The following CMTR1 variants were observed in gnomAD, a reference collection of about 807,000 sequenced individuals.
The protein encoded by CMTR1 is cap methyltransferase 1, also known as cap-specific mRNA (nucleoside-2'-O-)-methyltransferase 1.
In CMTR1, 39 loss-of-function variants were observed where a neutral mutation model predicts 107.0. That is an observed-to-expected ratio of 0.36 (90% confidence interval 0.28 to 0.48). The LOEUF is 0.48. CMTR1 is among the 20% of genes least tolerant of loss of function. CMTR1 has a pLI of 0.99. For missense variants in CMTR1, 672 were observed against 1,064.9 expected (o/e 0.63, Z 5.14); for synonymous variants, 366 against 379.5 (o/e 0.96, Z 0.41).
rs759619553 is a variant in CMTR1 at position 37,471,004 on chromosome 6, A to T, written c.1506-17A>T. On this transcript the variant is annotated splice_polypyrimidine_tract_variant and intron_variant, in intron 13 of 23. Transcript: ENST00000373451. ...TTTTTGGTAATCCTGAGATCAAATA[A>T]TTTTTTTTTCTTCTAGCCACTGTAG... 7 of 1,580,020 alleles carry T rather than the reference A, an allele frequency of 4.4e-6. No homozygotes were observed. The highest frequency in any genetic ancestry group is 5.2e-6 in the Non-Finnish European group (6 of 1,163,924).
chr6:37,481,142 TG>T lies in CMTR1; in HGVS notation c.*998del, dbSNP rs750887687. 11 of 1,303,874 alleles carry T rather than the reference TG, an allele frequency of 8.4e-6. No homozygotes were observed. The African/African-American group carries it at 1.5e-4, about 18-fold the overall frequency. 80.8% of individuals were successfully genotyped at this position (1,303,874 alleles called of 1,614,324 possible). On this transcript the variant is annotated 3_prime_UTR_variant, in exon 24 of 24. Coordinates refer to ENST00000373451, the MANE Select transcript of CMTR1 (RefSeq NM_015050.3). ...ATAGGAGGTACAATCTGCTTTTGTT[TG>T]TCGTTAAGTGGTCACTCCCATTTCC... is the stretch of plus-strand genomic sequence containing the variant.
intron 19 of CMTR1, 113 bp from the exon 20 acceptor site, chr6:37,476,013 C>G: frequency 9.8e-7 from 1 of 1,016,342 alleles, no homozygotes; most frequent in South Asian, 1.3e-5. Context: ...TTAGAGCAGT[C>G]TTGCCGCAGA....
At chr6:37,443,486 C>T (rs1157561473) in intron 2 of CMTR1, among the ~76,000 whole-genome samples, 11 of 152,016 alleles carry the variant, frequency 7.2e-5, no homozygotes, top group Non-Finnish European at 1.5e-5. Context: ...TCCCAAGTAG[C>T]TTGGATTACA....
At position 37,472,670 on chromosome 6, in the gene CMTR1, C is replaced by T. The variant is rs528290227; in HGVS notation, c.1689+183C>T. Among the ~76,000 whole-genome samples the T allele has an allele frequency of 2.6e-5, 4 of 152,318 alleles. No individual in the cohort carries two copies. The highest frequency in any genetic ancestry group is 7.2e-5 in the African/African-American group (3 of 41,580). On this transcript the variant is annotated intron_variant, in intron 16 of 23. Coordinates refer to ENST00000373451, the MANE Select transcript of CMTR1 (RefSeq NM_015050.3). This position sits in a 1 kb window ranked among gnomAD's most constrained non-coding sequence, Gnocchi z 4.1. ...CTTTGGTATAGGGTGTTGAATTCCC[C>T]AAGAGCACAGTCAGGCCAACGGAAG...
Position 37,462,780 on chromosome 6 carries a change from A to C in CMTR1, c.1326-49A>C, listed in dbSNP as rs565777091. On this transcript the variant is annotated intron_variant, in intron 12 of 23. Coordinates refer to ENST00000373451, the MANE Select transcript of CMTR1 (RefSeq NM_015050.3). ...CAAGGGGTTGGGGGAAAAGGAATGT[A>C]TGGGGAGGAAGCCCTTGCTCGGTGG... The C allele has an allele frequency of 3.2e-6, 5 of 1,569,834 alleles. No homozygotes were observed. The Admixed American group carries it at 8.4e-5, about 26-fold the overall frequency.
intron 23 of CMTR1, among the ~76,000 whole-genome samples, chr6:37,479,693 A>T (rs1364702350): frequency 1.3e-5 from 2 of 152,218 alleles, no homozygotes; most frequent in African/African-American, 4.8e-5. Context: ...AGCAGCCCTA[A>T]TGTGCCTGTA....
At chr6:37,430,086 T>C (rs1771341984), upstream of CMTR1, among the ~76,000 whole-genome samples, 1 of 152,250 alleles carries the variant, frequency 6.6e-6, no homozygotes, top group Admixed American at 6.5e-5. Flanking sequence ...ATATTCGCAT[T>C]GTTGTGCAAA....
In CMTR1 at chr6:37,480,286, C is replaced by T. The variant is rs1761828804; in HGVS notation, c.*141C>T. On this transcript the variant is annotated 3_prime_UTR_variant, in exon 24 of 24. Coordinates refer to ENST00000373451, the MANE Select transcript of CMTR1 (RefSeq NM_015050.3). Reference sequence around the variant, plus strand: ...CCTGGCATGAGGAGTGGGTGGCCTCCTCTCCATCCCCTGAAGAGCTCAGGC... The same window carrying T: ...CCTGGCATGAGGAGTGGGTGGCCTCTTCTCCATCCCCTGAAGAGCTCAGGC... 5 of 1,459,808 alleles carry T rather than the reference C, an allele frequency of 3.4e-6. No homozygotes were observed. The highest frequency in any genetic ancestry group is 4.5e-6 in the Non-Finnish European group (5 of 1,122,352). 90.4% of individuals were successfully genotyped at this position (1,459,808 alleles called of 1,614,324 possible). A position where few individuals can be genotyped will look rare whatever the true frequency, so the allele number is the denominator to read the frequency against.
chr6:37,453,173 G>A, intron 7 of CMTR1, 32 bp downstream of exon 7: 5 of 1,612,182 alleles, frequency 3.1e-6, no homozygotes, highest in Non-Finnish European at 4.2e-6. Context: ...CTCCCCTGAT[G>A]CTCCCTGCTC....
intron 13 of CMTR1, among the ~76,000 whole-genome samples, chr6:37,463,385 C>A (rs970130863): frequency 8.5e-5 from 13 of 152,170 alleles, no homozygotes; most frequent in African/African-American, 3.1e-4. Context: ...TGTTTGGAGG[C>A]AGGAGATGGA....
chr6:37,425,814 A>G, the CMTR1 span, among the ~76,000 whole-genome samples: 1 of 152,108 alleles, frequency 6.6e-6, no homozygotes, highest in South Asian at 2.1e-4. Context: ...GAATCTTTAT[A>G]TTCATCAAAT....
intron 9 of CMTR1, 127 bp from the exon 10 acceptor site, chr6:37,459,439 G>A (rs1347660412): frequency 2.3e-5 from 17 of 746,360 alleles, no homozygotes. Flanking sequence ...CTGTAAGGGA[G>A]CCTTGCAGGA....
Position 37,480,327 on chromosome 6 carries a change from A to G in CMTR1, c.*182A>G, listed in dbSNP as rs1374568601. ...GAGCTCAGGCAGGGCCCTGCAGAGA[A>G]CACTCATGTTCCTTCTGGGACACCT... is the stretch of plus-strand genomic sequence containing the variant. On this transcript the variant is annotated 3_prime_UTR_variant, in exon 24 of 24. Coordinates refer to ENST00000373451, the MANE Select transcript of CMTR1 (RefSeq NM_015050.3). 2.1e-6 allele frequency: 3 copies of G among 1,397,482 alleles called. No individual in the cohort carries two copies. The highest frequency in any genetic ancestry group is 2.8e-6 in the Non-Finnish European group (3 of 1,088,958). 86.6% of individuals were successfully genotyped at this position (1,397,482 alleles called of 1,614,324 possible). A position where few individuals can be genotyped will look rare whatever the true frequency, so the allele number is the denominator to read the frequency against.
At chr6:37,470,455 C>G (rs1761601952) in intron 13 of CMTR1, among the ~76,000 whole-genome samples, 1 of 152,108 alleles carries the variant, frequency 6.6e-6, no homozygotes, top group African/African-American at 2.4e-5. Context: ...CGTCATTCAC[C>G]CTTTCCAGTA....
the CMTR1 span, among the ~76,000 whole-genome samples, chr6:37,428,046 GA>G: frequency 2.1e-5 from 3 of 140,618 alleles, no homozygotes; most frequent in Admixed American, 7.0e-5. Context: ...GAGAGAGAGA[GA>G]GAGAGAGAGA....
chr6:37,459,535 T>C lies in CMTR1; in HGVS notation c.977-31T>C, dbSNP rs778537640. On this transcript the variant is annotated intron_variant, in intron 9 of 23. Transcript: ENST00000373451. The stretch of plus-strand genomic sequence containing the variant: ...CAGCTCCTGACATGTATAGGGCAGA[T>C]GAACTCACTATGACTCTTGTATTCT... 11 of 1,583,522 alleles carry C rather than the reference T, an allele frequency of 6.9e-6. No homozygotes were observed. In the African/African-American group the frequency reaches 1.2e-4, roughly 17 times the overall value.
At chr6:37,465,510 T>G (rs1055875358) in intron 13 of CMTR1, among the ~76,000 whole-genome samples, 1 of 152,214 alleles carries the variant, frequency 6.6e-6, no homozygotes, top group Non-Finnish European at 1.5e-5. Flanking sequence ...GTATATCTTA[T>G]TTTATGAAGT....
intron 12 of CMTR1, 96 bp from the exon 13 acceptor site, chr6:37,462,733 G>A: frequency 1.7e-6 from 2 of 1,159,584 alleles, no homozygotes; most frequent in Non-Finnish European, 2.5e-6. Context: ...GAACAGGGAA[G>A]CCATTAAGCT....
At chr6:37,459,772 C>A in intron 10 of CMTR1, 88 bp downstream of exon 10, 1 of 913,952 alleles carries the variant, frequency 1.1e-6, no homozygotes, top group South Asian at 1.3e-5. Flanking sequence ...GGTTCTTTAG[C>A]TGCTCCCAAA....
Sources: gnomAD v4.1 joint callset for allele counts (sites outside exome capture counted in the v4.1 genomes callset) on GRCh38, gnomAD v4.1.1 for gene constraint, Gnocchi (gnomAD v3.1) non-coding constraint, MANE v1.5 for transcripts, NCBI Gene and HGNC (gene_info 2026-07-23, HGNC 2026-07-21) for gene names.